WNT7A: variants seen among roughly 807,000 people sequenced by gnomAD.
The protein encoded by WNT7A is Wnt family member 7A, also known as protein Wnt-7a.
WNT7A carries 16 observed loss-of-function variants against 28.2 expected under a neutral mutation model. That is an observed-to-expected ratio of 0.57 (90% confidence interval 0.38 to 0.86). The LOEUF (loss-of-function observed/expected upper bound fraction) is 0.86. Ranked by LOEUF, WNT7A falls within the 40% of genes least tolerant of loss-of-function variation. WNT7A has a pLI of 0.00. For missense variants in WNT7A, 411 were observed against 489.7 expected, an observed-to-expected ratio of 0.84 and a Z score of 1.52; for synonymous variants, 190 against 195.9, an observed-to-expected ratio of 0.97 and a Z score of 0.25.
chr3:13,827,327 C>T (rs774760317), intron 3 of WNT7A, among the ~76,000 whole-genome samples: 17 of 152,214 alleles, frequency 1.1e-4, no homozygotes, highest in Non-Finnish European at 1.9e-4. Context: ...CAATCCAGAG[C>T]CTCCTCTGCC....
At chr3:13,851,095 C>T (rs1237528735) in intron 3 of WNT7A, among the ~76,000 whole-genome samples, 3 of 152,188 alleles carry the variant, frequency 2.0e-5, no homozygotes, top group African/African-American at 4.8e-5. Flanking sequence ...ACCTATTAGG[C>T]TTCCTAAACA....
intron 3 of WNT7A, among the ~76,000 whole-genome samples, chr3:13,853,476 G>GC (rs2124857532): frequency 6.6e-6 from 1 of 152,248 alleles, no homozygotes; most frequent in African/African-American, 2.4e-5. Context: ...CTGGCCCCCT[G>GC]CCCCTACCTC....
At chr3:13,826,420 G>A (rs1365805998) in intron 3 of WNT7A, among the ~76,000 whole-genome samples, 5 of 152,174 alleles carry the variant, frequency 3.3e-5, no homozygotes, top group African/African-American at 1.2e-4. Context: ...GTCAGATAAC[G>A]GGAGGGATAA....
intron 2 of WNT7A, 88 bp from the exon 3 acceptor site, chr3:13,854,891 G>C: frequency 6.4e-7 from 1 of 1,560,442 alleles, no homozygotes; most frequent in Non-Finnish European, 8.7e-7. Flanking sequence ...GTGAGGCTGA[G>C]CTCAATGCAA....
rs772935313 is a variant in WNT7A, at chr3:13,854,615, C to T, written c.487G>A (p.Ala163Thr). ...SADIRYGIGF[A>T]KVFVDAREIK... ...TCCCGGGCATCCACAAAGACCTTGG[C>T]GAAGCCGATGCCGTAGCGGATGTCG... Residue 163 changes from alanine (A) to threonine (T), a missense_variant, in exon 3 of 4, where the codon GCC becomes ACC. Transcript: ENST00000285018. 2.4e-5 allele frequency: 38 copies of T among 1,614,064 alleles called. No homozygotes were observed. The highest frequency in any genetic ancestry group is 1.6e-4 in the Middle Eastern group (1 of 6,084).
intron 3 of WNT7A, among the ~76,000 whole-genome samples, chr3:13,850,218 C>T (rs909877526): frequency 7.2e-5 from 11 of 152,210 alleles, no homozygotes; most frequent in African/African-American, 2.7e-4. Flanking sequence ...CAGCTTCGGG[C>T]TGGGCGGGGC....
intron 3 of WNT7A, among the ~76,000 whole-genome samples, chr3:13,834,579 C>T (rs1229547125): frequency 6.6e-6 from 1 of 152,124 alleles, no homozygotes; most frequent in Non-Finnish European, 1.5e-5. Flanking sequence ...ATGCTGGTCA[C>T]AGTGGGTTCC....
At chr3:13,855,980 T>C (rs1694723082) in intron 2 of WNT7A, among the ~76,000 whole-genome samples, 1 of 151,772 alleles carries the variant, frequency 6.6e-6, no homozygotes. Context: ...CTCAGGGAGG[T>C]CCTTCCCCAC....
chr3:13,867,371 C>A (rs994322116), intron 2 of WNT7A, among the ~76,000 whole-genome samples: 17 of 152,098 alleles, frequency 1.1e-4, no homozygotes, highest in Non-Finnish European at 1.9e-4. Flanking sequence ...GAATCTCTGG[C>A]AGGATCACAC....
chr3:13,850,661 A>T (rs1452129770), intron 3 of WNT7A, among the ~76,000 whole-genome samples: 1 of 151,896 alleles, frequency 6.6e-6, no homozygotes, highest in Non-Finnish European at 1.5e-5. Context: ...ACTCTCATGA[A>T]GGGGTTGCTG....
intron 2 of WNT7A, among the ~76,000 whole-genome samples, chr3:13,867,162 A>C (rs1694924427): frequency 6.6e-6 from 1 of 152,132 alleles, no homozygotes; most frequent in Non-Finnish European, 1.5e-5. Flanking sequence ...ATGTAATGCC[A>C]CTACCACCTA....
intron 3 of WNT7A, among the ~76,000 whole-genome samples, chr3:13,846,965 G>A (rs915687934): frequency 6.6e-6 from 1 of 152,192 alleles, no homozygotes; most frequent in African/African-American, 2.4e-5. Context: ...TGAAGCTGGG[G>A]TCACAGACGT....
At chr3:13,877,441 G>A (rs1259913545) in intron 1 of WNT7A, among the ~76,000 whole-genome samples, 2 of 152,236 alleles carry the variant, frequency 1.3e-5, no homozygotes, top group Non-Finnish European at 2.9e-5. Context: ...AAGTGGAGAC[G>A]TTTTGGCATC....
chr3:13,836,581 T>A (rs1159164262), intron 3 of WNT7A, among the ~76,000 whole-genome samples: 1 of 152,166 alleles, frequency 6.6e-6, no homozygotes, highest in Non-Finnish European at 1.5e-5. Flanking sequence ...AACCCTCCAG[T>A]GGAACCTCCC....
intron 2 of WNT7A, among the ~76,000 whole-genome samples, chr3:13,856,986 G>GAA (rs1333464926): frequency 6.6e-5 from 5 of 75,548 alleles, no homozygotes; most frequent in African/African-American, 3.9e-4. Flanking sequence ...AGAAGAAGAA[G>GAA]GAGAAGAAGA....
chr3:13,838,046 G>A (rs1207460940), intron 3 of WNT7A, among the ~76,000 whole-genome samples: 2 of 152,252 alleles, frequency 1.3e-5, no homozygotes, highest in Non-Finnish European at 2.9e-5. Context: ...CTTTGGTGGT[G>A]TAGAGGTTTT....
chr3:13,826,956 A>C (rs2124831619), intron 3 of WNT7A, among the ~76,000 whole-genome samples: 1 of 152,302 alleles, frequency 6.6e-6, no homozygotes, highest in South Asian at 2.1e-4. Context: ...AGCAGATGGA[A>C]AGAAACAGAG....
At chr3:13,831,953 C>T (rs1281043772) in intron 3 of WNT7A, among the ~76,000 whole-genome samples, 2 of 152,096 alleles carry the variant, frequency 1.3e-5, no homozygotes, top group African/African-American at 2.4e-5. Context: ...ATAAAGACAA[C>T]GTGGAGGTCA....
intron 3 of WNT7A, among the ~76,000 whole-genome samples, chr3:13,836,753 G>A (rs1694376202): frequency 6.6e-6 from 1 of 152,278 alleles, no homozygotes; most frequent in Non-Finnish European, 1.5e-5. Context: ...ATGAGCAGTT[G>A]GAGGAAGTGA....
Sources: allele counts gnomAD v4.1 joint callset (sites outside exome capture counted in the v4.1 genomes callset), GRCh38; gene constraint gnomAD v4.1.1; transcripts MANE v1.5; gene names NCBI Gene and HGNC (gene_info 2026-07-23, HGNC 2026-07-21).